The following MUC4 variants were observed in gnomAD, a reference collection of about 807,000 sequenced individuals.
The protein encoded by MUC4 is mucin-4.
A neutral mutation model predicts 257.9 loss-of-function variants in MUC4; 202 were observed. The ratio of observed to expected loss-of-function variants is 0.78; its 90% CI spans 0.70 to 0.88. The LOEUF is 0.88. Among genes scored for constraint, MUC4 ranks in the 40% least tolerant of loss-of-function variants. The pLI, the probability that MUC4 is intolerant of heterozygous loss-of-function variation, is 0.00. For synonymous variants in MUC4, 2,351 were observed against 2,757.1 expected (o/e 0.85, Z 4.62); for missense variants, 5,976 against 6,513.7 (o/e 0.92, Z 2.84).
At chr3:195,748,297 C>T (rs1715554257) in intron 24 of MUC4, among the ~76,000 whole-genome samples, 1 of 152,272 alleles carries the variant, frequency 6.6e-6, no homozygotes. Flanking sequence ...GGCGCGGTGG[C>T]TCACGCCTGT....
chr3:195,747,192 G>A lies in MUC4; in HGVS notation c.16223C>T (p.Ala5408Val), dbSNP rs758830237. Reference sequence around the variant, plus strand: ...GCTGCCCCTTCAAGGCAAGGCCTCAGCTGAGTTCAGGAAATAGGAGAACCT... The same window carrying A: ...GCTGCCCCTTCAAGGCAAGGCCTCAACTGAGTTCAGGAAATAGGAGAACCT... ...GARFSYFLNSAEALP is the reference protein window; with the variant it reads ...GARFSYFLNSVEALP Residue 5408 changes from alanine to valine, a missense_variant, in exon 25 of 25, where the codon GCT (alanine) becomes GTT (valine). By Grantham distance (64) the Ala-to-Val change is moderately conservative (BLOSUM62 0). Transcript: ENST00000463781. 1 of 1,614,278 alleles carries A rather than the reference G, an allele frequency of 6.2e-7. No individual in the cohort carries two copies. The highest frequency in any genetic ancestry group is 1.1e-5 in the South Asian group (1 of 91,088).
At position 195,783,784 on chromosome 3, in the gene MUC4, T is replaced by G. The variant is rs372590482; in HGVS notation, c.7796A>C (p.Tyr2599Ser). The G allele has an allele frequency of 0.11, 30,086 of 280,472 alleles. 1,389 individuals are homozygous for G. The highest frequency in any genetic ancestry group is 0.43 in the East Asian group (2,053 of 4,732). The allele number at this position is 280,472 out of a possible 1,614,324, so 17.4% of individuals were successfully genotyped here. The change falls in exon 2 of 25, where the codon TAC (tyrosine) becomes TCC (serine). Residue 2599 changes from tyrosine to serine, a missense_variant. By Grantham distance (144) the Tyr-to-Ser change is moderately radical (BLOSUM62 -2). Transcript: ENST00000463781. Reference protein sequence around the residue: ...DTTPLPVTDTYSASTGQATPL... With the variant: ...DTTPLPVTDTSSASTGQATPL... The stretch of plus-strand genomic sequence containing the variant: ...GGTGGCCTGACCTGTGGATGCTGAG[T>G]AAGTGTCGGTGACAGGAAGAGGGGT...
intron 16 of MUC4, among the ~76,000 whole-genome samples, 181 bp from the exon 17 acceptor site, chr3:195,759,442 C>T (rs971045844): frequency 6.6e-6 from 1 of 152,152 alleles, no homozygotes. Flanking sequence ...GACTGTACTG[C>T]CCACCTAGCC....
chr3:195,758,944 A>T (rs1718229806), intron 17 of MUC4, among the ~76,000 whole-genome samples, 180 bp downstream of exon 17: 1 of 152,016 alleles, frequency 6.6e-6, no homozygotes, highest in African/African-American at 2.4e-5. Flanking sequence ...ACTACTACTT[A>T]CTGGGGGGCA....
chr3:195,781,307 G>T lies in MUC4; in HGVS notation c.10273C>A (p.Leu3425Ile). 7.1e-7 allele frequency: 1 copy of T among 1,401,782 alleles called. No individual in the cohort carries two copies. The highest frequency in any genetic ancestry group is 9.6e-7 in the Non-Finnish European group (1 of 1,041,526). The allele number at this position is 1,401,782 out of a possible 1,614,324, so 86.8% of individuals were successfully genotyped here. A position where few individuals can be genotyped will look rare whatever the true frequency, so the allele number is the denominator to read the frequency against. Residue 3425 changes from leucine to isoleucine, a missense_variant, in exon 2 of 25, where the codon CTT (leucine) becomes ATT (isoleucine). By Grantham distance (5) the Leu-to-Ile change is conservative. Around this residue, in one of 44 missense-constraint regions of MUC4, gnomAD observed 297 missense variants for 240.9 expected, o/e 1.23. Coordinates refer to ENST00000463781, the MANE Select transcript of MUC4 (RefSeq NM_018406.7). ...GCTGAGGAAGTGCTGGTGACAGGAA[G>T]AGGGGTGGCGTGACCTGTGGATGCT... is the stretch of plus-strand genomic sequence containing the variant. ...SSASTGHATP[L>I]PVTSTSSAST...
In MUC4 at chr3:195,770,206, G is replaced by A. The variant is rs1302565319; in HGVS notation, c.13398+10C>T. 1.9e-6 allele frequency: 3 copies of A among 1,593,502 alleles called. No homozygotes were observed. Among genetic ancestry groups the A allele is most frequent in the South Asian group, 1.1e-5 (1 of 88,482 alleles). ...GATAGCTCCTGGGAGCTGCCCAGGG[G>A]TCTACTCACCCCGAGGGTCCACTGG... On this transcript the variant is annotated intron_variant, in intron 6 of 24. Coordinates refer to ENST00000463781, the MANE Select transcript of MUC4 (RefSeq NM_018406.7).
chr3:195,770,898 A>G (rs1168762014), intron 5 of MUC4: 2 of 457,118 alleles, frequency 4.4e-6, no homozygotes, highest in East Asian at 1.4e-4. Context: ...TGATTTTACA[A>G]TCAAAGGCTG....
At chr3:195,770,865 G>A in intron 5 of MUC4, 1 of 458,722 alleles carries the variant, frequency 2.2e-6, no homozygotes. Context: ...ACTCACTCTT[G>A]TTAGGATAGA....
intron 1 of MUC4, among the ~76,000 whole-genome samples, chr3:195,795,430 C>T (rs1734451038): frequency 6.6e-6 from 1 of 151,942 alleles, no homozygotes; most frequent in Non-Finnish European, 1.5e-5. Context: ...AGAGATAAGC[C>T]TCTAATAGCA....
chr3:195,789,425 T>A lies in MUC4; in HGVS notation c.2155A>T (p.Ser719Cys), dbSNP rs369981490. ...PTTALQAAPS[S>C]HDATLGPSGG... Reference sequence around the variant, plus strand: ...GAGGGCCCCAGGGTGGCATCATGGCTGCTGGGTGCTGCCTGCAGTGCTGTG... The same window carrying A: ...GAGGGCCCCAGGGTGGCATCATGGCAGCTGGGTGCTGCCTGCAGTGCTGTG... Residue 719 changes from serine (S) to cysteine (C), a missense_variant, in exon 2 of 25, where the codon AGC (serine) becomes TGC (cysteine). Coordinates refer to ENST00000463781, the MANE Select transcript of MUC4 (RefSeq NM_018406.7). 3 of 1,613,840 alleles carry A rather than the reference T, an allele frequency of 1.9e-6. No homozygotes were observed. The highest frequency in any genetic ancestry group is 1.3e-5 in the African/African-American group (1 of 74,920).
Position 195,779,743 on chromosome 3 carries a change from G to A in MUC4, c.11837C>T (p.Ser3946Phe), listed in dbSNP as rs770622098. The A allele has an allele frequency of 2.7e-5, 38 of 1,425,950 alleles. 1 individual carries two copies. In the South Asian group the frequency reaches 4.3e-4, roughly 16 times the overall value. 88.3% of individuals were successfully genotyped at this position (1,425,950 alleles called of 1,614,324 possible). Residue 3946 changes from serine (S) to phenylalanine (F), a missense_variant, in exon 2 of 25, where the codon TCC (serine) becomes TTC (phenylalanine). Physicochemically the swap from Ser to Phe is radical, Grantham distance 155 (BLOSUM62 -2). Coordinates refer to ENST00000463781, the MANE Select transcript of MUC4 (RefSeq NM_018406.7). ...AGGAAGAGGGGTGGTGTCACCTGTG[G>A]ATGCTGAGGAAGTGCTGGTGACAGG... Reference protein sequence around the residue: ...PLPVTSTSSASTGDTTPLPVT... With the variant: ...PLPVTSTSSAFTGDTTPLPVT...
intron 1 of MUC4, among the ~76,000 whole-genome samples, chr3:195,807,336 T>G (rs1736104587): frequency 6.6e-6 from 1 of 152,076 alleles, no homozygotes; most frequent in Admixed American, 6.6e-5. Context: ...GCTGTGGTGT[T>G]GGGCGTCTAT....
At position 195,798,479 on chromosome 3, in the gene MUC4, G is replaced by A. The variant is rs1011860110; in HGVS notation, c.83-6982C>T. ...AGCGCTTTGTGAGGCTGAGGTGGGC[G>A]GATCATGAGGTCAGGAGATCGAGAC... On this transcript the variant is annotated intron_variant, in intron 1 of 24. Coordinates refer to ENST00000463781, the MANE Select transcript of MUC4 (RefSeq NM_018406.7). Among the ~76,000 whole-genome samples the A allele has an allele frequency of 7.2e-5, 11 of 152,218 alleles. No homozygotes were observed. In the South Asian group the frequency reaches 1.2e-3, roughly 17 times the overall value.
chr3:195,752,480 C>T, intron 20 of MUC4, 34 bp from the exon 21 acceptor site: 2 of 1,585,760 alleles, frequency 1.3e-6, no homozygotes, highest in South Asian at 2.2e-5. Context: ...ATCATCACCC[C>T]ACGGTTTACC....
chr3:195,804,202 C>T (rs190663530), intron 1 of MUC4, among the ~76,000 whole-genome samples: 3 of 152,210 alleles, frequency 2.0e-5, no homozygotes, highest in East Asian at 1.9e-4. Flanking sequence ...TCTGCCATCA[C>T]GTCAGCCAGA....
chr3:195,747,240 C>T lies in MUC4; in HGVS notation c.16175G>A (p.Arg5392His), dbSNP rs754106095. Residue 5392 changes from arginine to histidine, a missense_variant, in exon 25 of 25, where the codon CGC becomes CAC. This residue lies in a region of MUC4 where 310 missense variants were observed against 242.1 expected (regional missense o/e 1.28). Coordinates refer to ENST00000463781, the MANE Select transcript of MUC4 (RefSeq NM_018406.7). ...LLGVGTFVVLRFWGCSGARFS... is the reference protein window; with the variant it reads ...LLGVGTFVVLHFWGCSGARFS... ...CCTGGCCCCGGAGCAACCCCAGAAGCGCAGGACCACGAACGTCCCGACCCC... is the reference window on the plus strand; with the variant it reads ...CCTGGCCCCGGAGCAACCCCAGAAGTGCAGGACCACGAACGTCCCGACCCC... 6.2e-7 allele frequency: 1 copy of T among 1,614,124 alleles called. No individual in the cohort carries two copies. The highest frequency in any genetic ancestry group is 1.3e-5 in the African/African-American group (1 of 74,952).
chr3:195,767,600 T>TCACCATCACCACCAC (rs1560262291), intron 7 of MUC4, among the ~76,000 whole-genome samples: 2 of 45,338 alleles, frequency 4.4e-5, no homozygotes, highest in Non-Finnish European at 8.9e-5. Flanking sequence ...ACCACCACCA[T>TCACCATCACCACCAC]CATCACCATT....
rs780708973 is a variant in MUC4, at chr3:195,786,709, GAGGAAGTGT to G, written c.4862_4870del (p.Asp1621_Ser1624delinsAla). 6.5e-7 allele frequency: 1 copy of G among 1,532,600 alleles called. No individual in the cohort carries two copies. The highest frequency in any genetic ancestry group is 1.2e-5 in the South Asian group (1 of 83,298). The allele number at this position is 1,532,600 out of a possible 1,614,324, so 94.9% of individuals were successfully genotyped here. A position where few individuals can be genotyped will look rare whatever the true frequency, so the allele number is the denominator to read the frequency against. Reference sequence around the variant, plus strand: ...AGGGGTGGTGTCACCTGTGGATGCTGAGGAAGTGTCGGTGACAGGAAGAGGGGTGGTGTG... The same window carrying G: ...AGGGGTGGTGTCACCTGTGGATGCTGCGGTGACAGGAAGAGGGGTGGTGTG... On this transcript the variant is annotated inframe_deletion, in exon 2 of 25. Coordinates refer to ENST00000463781, the MANE Select transcript of MUC4 (RefSeq NM_018406.7).
At chr3:195,761,619 G>T (rs373226739) in intron 14 of MUC4, 34 bp from the exon 15 acceptor site, 2 of 1,519,544 alleles carry the variant, frequency 1.3e-6, no homozygotes, top group Non-Finnish European at 1.8e-6. Context: ...GCCACCCTGG[G>T]CACGCGGCTG....
Sources: gnomAD v4.1 joint callset for allele counts (sites outside exome capture counted in the v4.1 genomes callset) on GRCh38, gnomAD v4.1.1 for gene constraint, gnomAD v4.1.1 regional missense constraint, MANE v1.5 for transcripts, NCBI Gene and HGNC (gene_info 2026-07-23, HGNC 2026-07-21) for gene names.